SH3PXD2A: variants seen among roughly 807,000 people sequenced by gnomAD.
SH3PXD2A encodes SH3 and PX domains 2A, also known as SH3 and PX domain-containing protein 2A.
In SH3PXD2A, 32 loss-of-function variants were observed where a neutral mutation model predicts 115.2. The ratio of observed to expected loss-of-function variants is 0.28; its 90% confidence interval spans 0.21 to 0.37. The LOEUF (loss-of-function observed/expected upper bound fraction) is 0.37. Among genes scored for constraint, SH3PXD2A ranks in the 10% least tolerant of loss-of-function variants. The pLI, the probability that SH3PXD2A is intolerant of heterozygous loss-of-function variation, is 1.00. For missense variants in SH3PXD2A, 1,328 were observed against 1,498.7 expected, an observed-to-expected ratio of 0.89 and a Z score of 1.88; for synonymous variants, 610 against 629.1, an observed-to-expected ratio of 0.97 and a Z score of 0.45.
At chr10:103,850,991 G>C (rs896140232) in intron 1 of SH3PXD2A, among the ~76,000 whole-genome samples, 1 of 152,064 alleles carries the variant, frequency 6.6e-6, no homozygotes, top group Admixed American at 6.5e-5. Context: ...GACAGCCCAA[G>C]GTTGCACAAC....
At chr10:103,776,960 A>C (rs939274924) in intron 2 of SH3PXD2A, among the ~76,000 whole-genome samples, 1 of 152,216 alleles carries the variant, frequency 6.6e-6, no homozygotes, top group Non-Finnish European at 1.5e-5. Flanking sequence ...ACAAAACATA[A>C]CCATTAAAAG....
Position 103,725,801 on chromosome 10 carries a change from C to A in SH3PXD2A, c.307-1440G>T, listed in dbSNP as rs556171707. Among the ~76,000 whole-genome samples, 271 of 151,834 alleles carry A rather than the reference C, an allele frequency of 1.8e-3. 1 individual carries two copies. The highest frequency in any genetic ancestry group is 3.4e-3 in the Middle Eastern group (1 of 294). The stretch of plus-strand genomic sequence containing the variant: ...CCAAGATCGTGCCACTGCACCCCAG[C>A]CTGGGCAACAGAGCAAGACTCTGTC... On this transcript the variant is annotated intron_variant, in intron 4 of 14. Transcript: ENST00000369774.
At chr10:103,642,398 T>G (rs1474032963) in intron 8 of SH3PXD2A, among the ~76,000 whole-genome samples, 4 of 152,198 alleles carry the variant, frequency 2.6e-5, no homozygotes, top group Non-Finnish European at 5.9e-5. Flanking sequence ...GTCAGAAGGC[T>G]TGGAAGAGAA....
intron 6 of SH3PXD2A, among the ~76,000 whole-genome samples, chr10:103,683,252 C>T (rs1466480962): frequency 6.6e-6 from 1 of 152,108 alleles, no homozygotes; most frequent in Admixed American, 6.5e-5. Flanking sequence ...GTGGCTCACA[C>T]CTGTAATCCT....
intron 1 of SH3PXD2A, among the ~76,000 whole-genome samples, chr10:103,806,787 C>T (rs151297721): frequency 6.6e-6 from 1 of 152,208 alleles, no homozygotes; most frequent in Non-Finnish European, 1.5e-5. Flanking sequence ...TATGAAGGCT[C>T]GCTAGAGGCT....
At chr10:103,729,586 T>C (rs377621140) in intron 4 of SH3PXD2A, among the ~76,000 whole-genome samples, 36 of 152,234 alleles carry the variant, frequency 2.4e-4, no homozygotes, top group African/African-American at 8.7e-4. Context: ...AGCATTGCCC[T>C]GCGGGGCTGC....
intron 6 of SH3PXD2A, among the ~76,000 whole-genome samples, chr10:103,687,217 G>A (rs1011297711): frequency 4.6e-5 from 7 of 152,092 alleles, no homozygotes; most frequent in Admixed American, 1.3e-4. Context: ...CCTGGGCCTG[G>A]GGGTCCAGCC....
intron 5 of SH3PXD2A, among the ~76,000 whole-genome samples, chr10:103,719,709 T>C (rs2038155285): frequency 6.8e-6 from 1 of 146,532 alleles, no homozygotes; most frequent in South Asian, 2.1e-4. Flanking sequence ...CTTTTTCTTT[T>C]TTTTTTTCTT....
At chr10:103,785,239 C>T (rs924645235) in intron 2 of SH3PXD2A, among the ~76,000 whole-genome samples, 2 of 152,202 alleles carry the variant, frequency 1.3e-5, no homozygotes, top group South Asian at 4.1e-4. Flanking sequence ...CTGCCCACTG[C>T]TCAGCTATTT....
At chr10:103,706,295 C>CA (rs1408926872) in intron 5 of SH3PXD2A, among the ~76,000 whole-genome samples, 1 of 152,218 alleles carries the variant, frequency 6.6e-6, no homozygotes, top group Non-Finnish European at 1.5e-5. Context: ...CTCAGTGGGT[C>CA]AGTGGCTGGA....
At chr10:103,656,229 G>A (rs535280590) in intron 8 of SH3PXD2A, among the ~76,000 whole-genome samples, 1 of 152,352 alleles carries the variant, frequency 6.6e-6, no homozygotes, top group South Asian at 2.1e-4. Context: ...CTCTGCTGAA[G>A]AGGTTGGTTA....
At chr10:103,851,881 T>C (rs1167688680) in intron 1 of SH3PXD2A, among the ~76,000 whole-genome samples, 1 of 152,180 alleles carries the variant, frequency 6.6e-6, no homozygotes, top group Non-Finnish European at 1.5e-5. Context: ...TCCAAATAGA[T>C]ACAATTTCTT....
chr10:103,761,456 A>T (rs1186418827), intron 3 of SH3PXD2A, among the ~76,000 whole-genome samples: 1 of 152,208 alleles, frequency 6.6e-6, no homozygotes. Context: ...TTGTTAGATC[A>T]TAATTAAAGG....
chr10:103,623,191 A>G (rs867162085), intron 9 of SH3PXD2A, among the ~76,000 whole-genome samples: 2 of 152,110 alleles, frequency 1.3e-5, no homozygotes, highest in Admixed American at 6.5e-5. Flanking sequence ...GCTGAACGGA[A>G]TGACACAAGG....
Position 103,846,267 on chromosome 10 carries a change from C to T in SH3PXD2A, c.72+8928G>A, listed in dbSNP as rs535551998. Among the ~76,000 whole-genome samples the T allele has an allele frequency of 3.3e-5, 5 of 152,352 alleles. No homozygotes were observed. The East Asian group carries it at 5.8e-4, about 18-fold the overall frequency. ...AGCTGTTTCCCCTTTGCTAACTCAG[C>T]CACTTAGATATCACTTCCTCCGCTC... On this transcript the variant is annotated intron_variant, in intron 1 of 14. Coordinates refer to ENST00000369774, the MANE Select transcript of SH3PXD2A (RefSeq NM_001394015.1).
chr10:103,678,154 GT>G, intron 6 of SH3PXD2A: 1 of 1,289,178 alleles, frequency 7.8e-7, no homozygotes, highest in Non-Finnish European at 1.0e-6. Context: ...ACCCGTTCAT[GT>G]GTAATGTCTG....
intron 3 of SH3PXD2A, chr10:103,755,429 TC>T (rs1229000796): frequency 6.6e-6 from 1 of 152,218 alleles, no homozygotes; most frequent in African/African-American, 2.4e-5. Flanking sequence ...AGTTGGGATT[TC>T]TTTTAATTTT....
At chr10:103,786,068 G>T (rs2038977707) in intron 2 of SH3PXD2A, among the ~76,000 whole-genome samples, 1 of 152,048 alleles carries the variant, frequency 6.6e-6, no homozygotes, top group South Asian at 2.1e-4. Context: ...CAAGACTCCT[G>T]AGCAGAGCAA....
rs991912990 is a variant in SH3PXD2A at position 103,594,113 on chromosome 10, C to G, written c.*7703G>C. On this transcript the variant is annotated 3_prime_UTR_variant, in exon 15 of 15. Transcript: ENST00000369774. ...ATAAAATACAAAACAAAACCCAAAT[C>G]TTACAGTCTAGAAGCATGCCAAGAC... The G allele has an allele frequency of 6.6e-6, 1 of 152,586 alleles. No individual in the cohort carries two copies. The highest frequency in any genetic ancestry group is 1.5e-5 in the Non-Finnish European group (1 of 68,042). The allele number at this position is 152,586 out of a possible 1,614,324, so 9.5% of individuals were successfully genotyped here. A position where few individuals can be genotyped will look rare whatever the true frequency, so the allele number is the denominator to read the frequency against.
Sources: allele counts gnomAD v4.1 joint callset (sites outside exome capture counted in the v4.1 genomes callset), GRCh38; gene constraint gnomAD v4.1.1; transcripts MANE v1.5; gene names NCBI Gene and HGNC (gene_info 2026-07-23, HGNC 2026-07-21).